The following GLE1 variants were observed in gnomAD, a reference collection of about 807,000 sequenced individuals.
The protein encoded by GLE1 is mRNA export factor GLE1.
Under a neutral mutation model 97.3 loss-of-function variants are expected in GLE1, and 78 were observed. The observed-to-expected ratio is 0.80, with a 90% CI of 0.67 to 0.97. The LOEUF (loss-of-function observed/expected upper bound fraction) is 0.97. Ranked by LOEUF, GLE1 falls within the 50% of genes least tolerant of loss-of-function variation. GLE1 has a pLI of 0.00. For synonymous variants in GLE1, 302 were observed against 313.4 expected (o/e 0.96, Z 0.39); for missense variants, 753 against 857.5 (o/e 0.88, Z 1.52).
intron 8 of GLE1, 36 bp downstream of exon 8, chr9:128,527,327 T>C: frequency 7.4e-7 from 1 of 1,349,186 alleles, no homozygotes; most frequent in Non-Finnish European, 1.1e-6. Context: ...TTTTGTGGAC[T>C]TGATGGTTCT....
chr9:128,526,065 A>G (rs985878274), intron 7 of GLE1, among the ~76,000 whole-genome samples: 2 of 152,074 alleles, frequency 1.3e-5, no homozygotes, highest in Non-Finnish European at 2.9e-5. Flanking sequence ...CTTGTTGCCC[A>G]GGCTGGATTG....
chr9:128,504,714 G>T (rs1393379249), upstream of GLE1: 1 of 893,382 alleles, frequency 1.1e-6, no homozygotes, highest in Non-Finnish European at 1.9e-6. Context: ...GCGCGTCCCG[G>T]AAGCAGAAGC....
In GLE1 at chr9:128,526,697, A is replaced by G. The variant is rs543502190; in HGVS notation, c.1130-482A>G. On this transcript the variant is annotated intron_variant, in intron 7 of 15. Coordinates refer to ENST00000309971, the MANE Select transcript of GLE1 (RefSeq NM_001003722.2). ...GTTTTTTTTTTGAGATAGGAGTCTC[A>G]CTCTTGTTACCCAGGCTGGAGGAGT... Among the ~76,000 whole-genome samples, 7 of 146,614 alleles carry G rather than the reference A, an allele frequency of 4.8e-5. No homozygotes were observed. In the South Asian group the frequency reaches 1.5e-3, roughly 32 times the overall value.
intron 11 of GLE1, among the ~76,000 whole-genome samples, chr9:128,536,025 A>G (rs1242740884): frequency 1.3e-5 from 2 of 151,956 alleles, no homozygotes; most frequent in East Asian, 1.9e-4. Context: ...GCCTTGTCCC[A>G]GTGAATTTTT....
chr9:128,531,831 C>CAAAAAAAAA (rs1206684667), intron 9 of GLE1, among the ~76,000 whole-genome samples: 2 of 51,862 alleles, frequency 3.9e-5, no homozygotes, highest in Non-Finnish European at 8.3e-5. Flanking sequence ...GACTCCAGCT[C>CAAAAAAAAA]AAAAAAAAAA....
intron 2 of GLE1, among the ~76,000 whole-genome samples, chr9:128,514,977 C>T (rs142065203): frequency 2.0e-5 from 3 of 151,622 alleles, no homozygotes; most frequent in South Asian, 4.2e-4. Flanking sequence ...CGTGCCACCA[C>T]GCCTGGCTAA....
chr9:128,519,758 G>A lies in GLE1; in HGVS notation c.433-2910G>A, dbSNP rs146567111. On this transcript the variant is annotated intron_variant, in intron 3 of 15. Transcript: ENST00000309971. Reference sequence around the variant, plus strand: ...GATGTGTGTGACTCACACCCTATTCGTATACTCCCTCCCCTTTTGAAACTC... The same window carrying A: ...GATGTGTGTGACTCACACCCTATTCATATACTCCCTCCCCTTTTGAAACTC... 7.6e-4 allele frequency among the ~76,000 whole-genome samples: 115 copies of A among 152,196 alleles called. 2 individuals carry two copies. In the East Asian group the frequency reaches 0.016, roughly 21 times the overall value.
rs58485540 is a variant in GLE1, at chr9:128,515,952, CT to C, written c.432+328del. Among the ~76,000 whole-genome samples the C allele has an allele frequency of 1.9e-3, 261 of 139,834 alleles. 1 individual carries two copies. In the East Asian group the frequency reaches 0.02, roughly 11 times the overall value. 91.7% of individuals were successfully genotyped at this position (139,834 alleles called of 152,430 possible). A position where few individuals can be genotyped will look rare whatever the true frequency, so the allele number is the denominator to read the frequency against. ...TTCTGAGAAAATGGGACCTTAGCCTCTTTTTTTTTTTTTTTGAGGTGGAGTT... is the reference window on the plus strand; with the variant it reads ...TTCTGAGAAAATGGGACCTTAGCCTCTTTTTTTTTTTTTTGAGGTGGAGTT... On this transcript the variant is annotated intron_variant, in intron 3 of 15. Transcript: ENST00000309971.
intron 9 of GLE1, among the ~76,000 whole-genome samples, chr9:128,527,923 C>T (rs1380604182): frequency 2.6e-5 from 4 of 151,528 alleles, no homozygotes; most frequent in Non-Finnish European, 4.4e-5. Flanking sequence ...GAGATCACAC[C>T]ACTTCACTCC....
Position 128,519,474 on chromosome 9 carries a change from AG to A in GLE1, c.433-3190del, listed in dbSNP as rs1847078794. The stretch of plus-strand genomic sequence containing the variant: ...CCGTCTTTTATGGTCTGTAGACTGT[AG>A]GGGTGACATAGACCCCAGTCTCCCA... On this transcript the variant is annotated intron_variant, in intron 3 of 15. Transcript: ENST00000309971. Among the ~76,000 whole-genome samples, 5 of 152,292 alleles carry A rather than the reference AG, an allele frequency of 3.3e-5. No individual in the cohort carries two copies. In the South Asian group the frequency reaches 8.3e-4, roughly 25 times the overall value.
At chr9:128,512,310 A>G (rs1247147544) in intron 2 of GLE1, among the ~76,000 whole-genome samples, 10 of 152,288 alleles carry the variant, frequency 6.6e-5, no homozygotes. Flanking sequence ...AATTACATAG[A>G]ACTATACATA....
rs147224711 is a variant in GLE1, at chr9:128,519,154, G to A, written c.433-3514G>A. Reference sequence around the variant, plus strand: ...CTGTCAGCTGAAGAGGATGTATGTCGCCTCAGGACCCTGTGATAATTGCAT... The same window carrying A: ...CTGTCAGCTGAAGAGGATGTATGTCACCTCAGGACCCTGTGATAATTGCAT... On this transcript the variant is annotated intron_variant, in intron 3 of 15. Coordinates refer to ENST00000309971, the MANE Select transcript of GLE1 (RefSeq NM_001003722.2). 5.9e-3 allele frequency among the ~76,000 whole-genome samples: 898 copies of A among 152,056 alleles called. 10 individuals carry two copies. Among genetic ancestry groups the A allele is most frequent in the Non-Finnish European group, 9.4e-3 (641 of 67,986 alleles).
At chr9:128,514,678 G>C (rs770883367) in intron 2 of GLE1, among the ~76,000 whole-genome samples, 20 of 152,042 alleles carry the variant, frequency 1.3e-4, no homozygotes, top group Non-Finnish European at 2.4e-4. Context: ...ATGTTTAGTA[G>C]AGACAGGGTT....
At chr9:128,538,524 C>T (rs963907148) in intron 13 of GLE1, among the ~76,000 whole-genome samples, 1 of 152,146 alleles carries the variant, frequency 6.6e-6, no homozygotes, top group Middle Eastern at 3.4e-3. Flanking sequence ...AGGCCGGGCA[C>T]GGTGGCTCAC....
chr9:128,531,904 G>C (rs1393106739), intron 9 of GLE1, among the ~76,000 whole-genome samples: 1 of 151,410 alleles, frequency 6.6e-6, no homozygotes, highest in Non-Finnish European at 1.5e-5. Context: ...ATAAGGACAT[G>C]ATGTTGCTGT....
Position 128,526,952 on chromosome 9 carries a change from C to G in GLE1, c.1130-227C>G, listed in dbSNP as rs1458336364. Among the ~76,000 whole-genome samples, 3 of 152,294 alleles carry G rather than the reference C, an allele frequency of 2.0e-5. No homozygotes were observed. In the East Asian group the frequency reaches 5.8e-4, roughly 29 times the overall value. ...AATTATAGGCGTGGGTCACCACACC[C>G]AGCCTTAGTTTTTCTACTTAGTAGT... On this transcript the variant is annotated intron_variant, in intron 7 of 15. Coordinates refer to ENST00000309971, the MANE Select transcript of GLE1 (RefSeq NM_001003722.2).
chr9:128,531,865 T>C (rs1216087169), intron 9 of GLE1, among the ~76,000 whole-genome samples: 3 of 145,440 alleles, frequency 2.1e-5, no homozygotes, highest in South Asian at 2.2e-4. Flanking sequence ...TGGATGTCCA[T>C]GAGTGGTTAG....
intron 9 of GLE1, 137 bp from the exon 10 acceptor site, chr9:128,533,373 TGAG>T (rs1847581936): frequency 1.5e-6 from 1 of 658,220 alleles, no homozygotes; most frequent in East Asian, 2.8e-5. Flanking sequence ...GAGGTTGCAG[TGAG>T]CCAAGATTGT....
In GLE1 at chr9:128,527,187, G is replaced by A. The variant is rs1368695916; in HGVS notation, c.1138G>A (p.Val380Met). Residue 380 changes from valine (V) to methionine (M), a missense_variant, in exon 8 of 16, where the codon GTG (valine) becomes ATG (methionine). By Grantham distance (21) the Val-to-Met change is conservative (BLOSUM62 1). Transcript: ENST00000309971. ...TCTCTTTTATTTCTCAGACCTCCAG[G>A]TGAAGGTACAAGACATTACAATGCA... ...PGGKQNEDLQ[V>M]KVQDITMQWY... is the part of the protein sequence containing the mutation. 5.1e-6 allele frequency: 8 copies of A among 1,569,554 alleles called. No individual in the cohort carries two copies. The highest frequency in any genetic ancestry group is 7.0e-6 in the Non-Finnish European group (8 of 1,139,212).
Sources: gnomAD v4.1 joint callset for allele counts (sites outside exome capture counted in the v4.1 genomes callset) on GRCh38, gnomAD v4.1.1 for gene constraint, MANE v1.5 for transcripts, NCBI Gene and HGNC (gene_info 2026-07-23, HGNC 2026-07-21) for gene names.